The following ANKIB1 variants were observed in gnomAD, a reference collection of about 807,000 sequenced individuals.
ANKIB1 encodes the protein ankyrin repeat and IBR domain-containing protein 1.
Under a neutral mutation model 122.1 loss-of-function variants are expected in ANKIB1, and 43 were observed. The observed-to-expected ratio is 0.35, with a 90% confidence interval of 0.28 to 0.45. The LOEUF (loss-of-function observed/expected upper bound fraction) is 0.45. Among genes scored for constraint, ANKIB1 ranks in the 20% least tolerant of loss-of-function variants. ANKIB1 has a pLI of 1.00. For missense variants in ANKIB1, 992 were observed against 1,329.5 expected (o/e 0.75, Z 3.95); for synonymous variants, 390 against 442.0 (o/e 0.88, Z 1.48).
chr7:92,355,848 CATAATA>C (rs5885805), intron 9 of ANKIB1, among the ~76,000 whole-genome samples: 48,423 of 143,160 alleles, frequency 0.34, 8,217 homozygotes, highest in African/African-American at 0.35. Context: ...GACTCCGTCT[CATAATA>C]ATAATAATAA....
intron 11 of ANKIB1, among the ~76,000 whole-genome samples, chr7:92,375,933 T>G (rs1198510849): frequency 1.3e-5 from 2 of 152,224 alleles, no homozygotes; most frequent in African/African-American, 2.4e-5. Flanking sequence ...AAAACAACAT[T>G]CATTTCCTTG....
chr7:92,380,144 C>T (rs1278703696), intron 11 of ANKIB1, among the ~76,000 whole-genome samples: 1 of 152,124 alleles, frequency 6.6e-6, no homozygotes, highest in Non-Finnish European at 1.5e-5. Flanking sequence ...TTGCTCACTG[C>T]TATTCCGAGA....
chr7:92,327,351 A>T (rs896521543), intron 4 of ANKIB1, among the ~76,000 whole-genome samples: 12 of 152,214 alleles, frequency 7.9e-5, no homozygotes, highest in African/African-American at 2.7e-4. Flanking sequence ...GAAGATTTTA[A>T]ATGATAATCA....
chr7:92,343,730 G>A (rs961142197), intron 6 of ANKIB1, among the ~76,000 whole-genome samples: 1 of 152,036 alleles, frequency 6.6e-6, no homozygotes, highest in Non-Finnish European at 1.5e-5. Context: ...GATGGGCACT[G>A]TAAACCGAAA....
chr7:92,390,076 A>G lies in ANKIB1; in HGVS notation c.2012A>G (p.Glu671Gly), dbSNP rs1473894876. The G allele has an allele frequency of 6.3e-7, 1 of 1,597,366 alleles. No homozygotes were observed. Among genetic ancestry groups the G allele is most frequent in the Admixed American group, 1.8e-5 (1 of 56,344 alleles). The change falls in exon 15 of 20, where the codon GAA becomes GGA. Residue 671 changes from glutamate to glycine, a missense_variant. Coordinates refer to ENST00000265742, the MANE Select transcript of ANKIB1 (RefSeq NM_019004.2). ...KCSYPYGFFL[E>G]PKSTKKEIFE... ...TCTTATCCATATGGATTTTTCTTGG[A>G]ACCTAAAAGCACAAAGAAAGAAATT...
intron 8 of ANKIB1, among the ~76,000 whole-genome samples, chr7:92,351,728 T>G (rs982553245): frequency 1.3e-4 from 19 of 148,216 alleles, no homozygotes; most frequent in Admixed American, 3.4e-4. Context: ...TTGTTTTTTT[T>G]TTTTTTTTTG....
rs1044160279 is a variant in ANKIB1 at position 92,246,146 on chromosome 7, G to A, written c.-464G>A. 2.0e-5 allele frequency: 6 copies of A among 296,816 alleles called. No individual in the cohort carries two copies. The highest frequency in any genetic ancestry group is 1.2e-4 in the African/African-American group (5 of 42,174). The allele number at this position is 296,816 out of a possible 1,614,324, so 18.4% of individuals were successfully genotyped here. ...GGGAAGAGGGCGGCCGGGGCTGCGA[G>A]CGCGCAAGGCTGGAACATGAGCCGG... On this transcript the variant is annotated 5_prime_UTR_variant, in exon 1 of 20. Transcript: ENST00000265742.
chr7:92,293,157 A>G (rs1371080639), intron 1 of ANKIB1, among the ~76,000 whole-genome samples: 1 of 152,158 alleles, frequency 6.6e-6, no homozygotes, highest in African/African-American at 2.4e-5. Flanking sequence ...GTGTCTGCAC[A>G]TTGAAAATCA....
intron 3 of ANKIB1, among the ~76,000 whole-genome samples, chr7:92,314,620 T>C (rs1161176779): frequency 1.3e-5 from 2 of 152,214 alleles, no homozygotes; most frequent in African/African-American, 4.8e-5. Flanking sequence ...CTACCTATAT[T>C]GGAATCACCT....
At chr7:92,392,441 T>A in intron 17 of ANKIB1, 149 bp downstream of exon 17, 1 of 605,430 alleles carries the variant, frequency 1.7e-6, no homozygotes. Context: ...AGAGCCTACA[T>A]TTAGCTATTT....
chr7:92,317,949 A>C (rs1192633052), intron 3 of ANKIB1, among the ~76,000 whole-genome samples: 1 of 152,224 alleles, frequency 6.6e-6, no homozygotes, highest in Non-Finnish European at 1.5e-5. Context: ...AATGCATTTC[A>C]CTTCGATTTA....
At chr7:92,359,586 C>G (rs1286954014) in intron 9 of ANKIB1, among the ~76,000 whole-genome samples, 1 of 152,110 alleles carries the variant, frequency 6.6e-6, no homozygotes, top group Non-Finnish European at 1.5e-5. Context: ...GGTATATACC[C>G]AGTAATGGGA....
At position 92,332,932 on chromosome 7, in the gene ANKIB1, T is replaced by C. The variant is rs550340800; in HGVS notation, c.787+5032T>C. Among the ~76,000 whole-genome samples the C allele has an allele frequency of 2.6e-5, 4 of 152,350 alleles. No homozygotes were observed. In the East Asian group the frequency reaches 7.7e-4, roughly 29 times the overall value. ...CGTGTTTAAAACTAAGATCATGTTC[T>C]TGGAACTGAACCTGGTTCTCTGGTG... On this transcript the variant is annotated intron_variant, in intron 5 of 19. Coordinates refer to ENST00000265742, the MANE Select transcript of ANKIB1 (RefSeq NM_019004.2).
intron 11 of ANKIB1, among the ~76,000 whole-genome samples, chr7:92,380,428 C>T (rs1199539266): frequency 6.6e-6 from 1 of 152,208 alleles, no homozygotes; most frequent in African/African-American, 2.4e-5. Flanking sequence ...CAGACCACCT[C>T]CTCAAGTGGG....
chr7:92,358,977 A>G (rs962640239), intron 9 of ANKIB1, among the ~76,000 whole-genome samples: 3 of 152,194 alleles, frequency 2.0e-5, no homozygotes, highest in African/African-American at 4.8e-5. Flanking sequence ...GTCTGCTAGC[A>G]TGTGCGCCAA....
In ANKIB1 at chr7:92,295,175, T is replaced by G. The variant is rs1292390965; in HGVS notation, c.188+9T>G. 6.6e-7 allele frequency: 1 copy of G among 1,518,394 alleles called. No homozygotes were observed. The highest frequency in any genetic ancestry group is 1.4e-5 in the African/African-American group (1 of 72,248). The allele number at this position is 1,518,394 out of a possible 1,614,324, so 94.1% of individuals were successfully genotyped here. A position where few individuals can be genotyped will look rare whatever the true frequency, so the allele number is the denominator to read the frequency against. ...ATGAATAAAATATTAGGGTAAGTATTACTATAAACTAATTGGTATTAGGGT... is the reference window on the plus strand; with the variant it reads ...ATGAATAAAATATTAGGGTAAGTATGACTATAAACTAATTGGTATTAGGGT... On this transcript the variant is annotated intron_variant, in intron 2 of 19. Transcript: ENST00000265742.
At chr7:92,277,313 T>C (rs944624998) in intron 1 of ANKIB1, among the ~76,000 whole-genome samples, 1 of 152,238 alleles carries the variant, frequency 6.6e-6, no homozygotes, top group Admixed American at 6.5e-5. Context: ...ACAGGACATA[T>C]GCAGACAGTC....
At chr7:92,275,428 C>A (rs1737640982) in intron 1 of ANKIB1, among the ~76,000 whole-genome samples, 1 of 152,098 alleles carries the variant, frequency 6.6e-6, no homozygotes, top group Non-Finnish European at 1.5e-5. Context: ...TGCTGCCCAT[C>A]ACCAACTCAG....
At chr7:92,259,800 T>C (rs1421693624) in intron 1 of ANKIB1, among the ~76,000 whole-genome samples, 2 of 152,164 alleles carry the variant, frequency 1.3e-5, no homozygotes, top group African/African-American at 4.8e-5. Flanking sequence ...ACCCCTTGCT[T>C]CCAGGTGCTC....
Sources: allele counts gnomAD v4.1 joint callset (sites outside exome capture counted in the v4.1 genomes callset), GRCh38; gene constraint gnomAD v4.1.1; transcripts MANE v1.5; gene names NCBI Gene and HGNC (gene_info 2026-07-23, HGNC 2026-07-21).